Variants in GRIK2 observed in about 807,000 individuals in gnomAD.
The protein encoded by GRIK2 is glutamate ionotropic receptor kainate type subunit 2.
Under a neutral mutation model 100.3 loss-of-function variants are expected in GRIK2, and 32 were observed. The ratio of observed to expected loss-of-function variants is 0.32; its 90% CI spans 0.24 to 0.43. GRIK2 has a LOEUF of 0.43. Ranked by LOEUF, GRIK2 falls within the 20% of genes least tolerant of loss-of-function variation. GRIK2 has a pLI of 1.00. For missense variants in GRIK2, 843 were observed against 1,114.9 expected (o/e 0.76, Z 3.47); for synonymous variants, 417 against 389.4 (o/e 1.07, Z -0.83).
chr6:102,009,577 T>G (rs1795414081), intron 14 of GRIK2, among the ~76,000 whole-genome samples: 1 of 152,120 alleles, frequency 6.6e-6, no homozygotes, highest in Non-Finnish European at 1.5e-5. Context: ...TGACAAGGCT[T>G]TTAGATGTAA....
intron 7 of GRIK2, among the ~76,000 whole-genome samples, chr6:101,704,805 A>G (rs17062365): frequency 0.018 from 2,701 of 151,286 alleles, 58 homozygotes; most frequent in African/African-American, 0.054. Context: ...CACTTCAAAG[A>G]TATCAAGTGT....
At chr6:101,780,134 A>G (rs1778998862) in intron 7 of GRIK2, among the ~76,000 whole-genome samples, 1 of 152,196 alleles carries the variant, frequency 6.6e-6, no homozygotes. Flanking sequence ...TGTATAAGAA[A>G]AAGACAAGAT....
Position 101,852,599 on chromosome 6 carries a change from C to T in GRIK2, c.1318-6688C>T, listed in dbSNP as rs143235229. Reference sequence around the variant, plus strand: ...AAGCAAAATTAAGTAACCATTTTGCCGAGTAAATCGCTCAAGTCTAGTTCA... The same window carrying T: ...AAGCAAAATTAAGTAACCATTTTGCTGAGTAAATCGCTCAAGTCTAGTTCA... On this transcript the variant is annotated intron_variant, in intron 10 of 16. Transcript: ENST00000369134. Among the ~76,000 whole-genome samples the T allele has an allele frequency of 1.9e-3, 287 of 152,160 alleles. 1 individual carries two copies. The highest frequency in any genetic ancestry group is 6.1e-3 in the African/African-American group (254 of 41,514).
intron 11 of GRIK2, among the ~76,000 whole-genome samples, chr6:101,868,087 T>C (rs1202308234): frequency 2.6e-5 from 4 of 151,592 alleles, no homozygotes; most frequent in African/African-American, 7.3e-5. Flanking sequence ...AAATGGAGAC[T>C]TCTGGACACT....
chr6:101,690,832 A>C (rs923460970), intron 7 of GRIK2, among the ~76,000 whole-genome samples: 4 of 152,002 alleles, frequency 2.6e-5, no homozygotes, highest in Non-Finnish European at 4.4e-5. Flanking sequence ...GCATATTCCT[A>C]CTCATACTCT....
chr6:102,035,687 A>G, intron 15 of GRIK2, 121 bp downstream of exon 15: 1 of 609,896 alleles, frequency 1.6e-6, no homozygotes, highest in Admixed American at 2.7e-5. Flanking sequence ...GCATCCTGCT[A>G]CCTCTCTGAT....
At chr6:101,611,322 ACTT>A (rs2128313360) in intron 2 of GRIK2, among the ~76,000 whole-genome samples, 1 of 151,876 alleles carries the variant, frequency 6.6e-6, no homozygotes, top group East Asian at 1.9e-4. Flanking sequence ...TGTATCAGCA[ACTT>A]CTTTTTTTCA....
At chr6:101,699,306 A>G (rs1339456816) in intron 7 of GRIK2, among the ~76,000 whole-genome samples, 3 of 152,034 alleles carry the variant, frequency 2.0e-5, no homozygotes, top group Non-Finnish European at 4.4e-5. Context: ...GTCACTCATC[A>G]CTAGTACTAG....
chr6:101,734,641 C>A (rs370412191), intron 7 of GRIK2, among the ~76,000 whole-genome samples: 17 of 152,098 alleles, frequency 1.1e-4, no homozygotes, highest in Admixed American at 4.6e-4. Flanking sequence ...GAGGTAAAGA[C>A]CTTGGGTGGG....
intron 8 of GRIK2, among the ~76,000 whole-genome samples, chr6:101,801,879 T>C (rs1780693480): frequency 6.6e-6 from 1 of 151,930 alleles, no homozygotes. Flanking sequence ...TAGTATAACA[T>C]AGCTTTTCCT....
intron 2 of GRIK2, among the ~76,000 whole-genome samples, chr6:101,436,941 T>C (rs1484502462): frequency 6.6e-6 from 1 of 151,392 alleles, no homozygotes; most frequent in Non-Finnish European, 1.5e-5. Flanking sequence ...CAAATCATCA[T>C]ATTTAAAGTA....
At chr6:101,740,178 A>C (rs1775930331) in intron 7 of GRIK2, among the ~76,000 whole-genome samples, 1 of 152,194 alleles carries the variant, frequency 6.6e-6, no homozygotes, top group Admixed American at 6.6e-5. Flanking sequence ...GTGGCTGTAT[A>C]GTGTGGGACA....
chr6:101,619,271 GT>G (rs1274061578), intron 2 of GRIK2, among the ~76,000 whole-genome samples: 1 of 151,114 alleles, frequency 6.6e-6, no homozygotes, highest in Non-Finnish European at 1.5e-5. Context: ...TTATCTGGAT[GT>G]TTTTATTACA....
intron 14 of GRIK2, among the ~76,000 whole-genome samples, chr6:101,970,807 T>G (rs1793002273): frequency 6.6e-6 from 1 of 150,784 alleles, no homozygotes; most frequent in African/African-American, 2.5e-5. Flanking sequence ...AAGTCCTGCC[T>G]CCTGAGTCAA....
At chr6:101,866,979 AT>A (rs1785092232) in intron 11 of GRIK2, among the ~76,000 whole-genome samples, 2 of 151,538 alleles carry the variant, frequency 1.3e-5, no homozygotes, top group South Asian at 2.1e-4. Flanking sequence ...ACATTTAGTC[AT>A]TTTTTAAATG....
intron 7 of GRIK2, among the ~76,000 whole-genome samples, chr6:101,728,556 C>T (rs1444236664): frequency 2.0e-5 from 3 of 151,902 alleles, no homozygotes; most frequent in Non-Finnish European, 2.9e-5. Context: ...CTAAAGAAAA[C>T]CAGATGGTTT....
chr6:101,580,241 A>G (rs999306408), intron 2 of GRIK2, among the ~76,000 whole-genome samples: 2 of 152,130 alleles, frequency 1.3e-5, no homozygotes, highest in African/African-American at 4.8e-5. Context: ...GCCAACCTGG[A>G]GATTTTGTTT....
chr6:101,452,161 T>A (rs780253530), intron 2 of GRIK2, among the ~76,000 whole-genome samples: 1 of 151,942 alleles, frequency 6.6e-6, no homozygotes, highest in African/African-American at 2.4e-5. Context: ...TATGGGTATC[T>A]AAGAGAAGCA....
chr6:102,039,705 G>A (rs1770465742), intron 15 of GRIK2, among the ~76,000 whole-genome samples: 2 of 151,498 alleles, frequency 1.3e-5, no homozygotes, highest in African/African-American at 4.8e-5. Context: ...TGCACTTTGA[G>A]GACTAGGCAG....
Sources: gnomAD v4.1 joint callset for allele counts (sites outside exome capture counted in the v4.1 genomes callset) on GRCh38, gnomAD v4.1.1 for gene constraint, MANE v1.5 for transcripts, NCBI Gene and HGNC (gene_info 2026-07-23, HGNC 2026-07-21) for gene names.